ADAM12: variants seen among roughly 807,000 people sequenced by gnomAD.
The protein encoded by ADAM12 is ADAM metallopeptidase domain 12, also known as disintegrin and metalloproteinase domain-containing protein 12.
In ADAM12, 70 loss-of-function variants were observed where a neutral mutation model predicts 106.4. That is an observed-to-expected ratio of 0.66 (90% CI 0.54 to 0.80). The LOEUF (loss-of-function observed/expected upper bound fraction) is 0.80, where lower values mean the gene tolerates loss of function less well. Among genes scored for constraint, ADAM12 ranks in the 30% least tolerant of loss-of-function variants. The probability of loss-of-function intolerance (pLI) is 0.00; values close to 1 mark genes in which losing one functional copy is unlikely to be tolerated. For missense variants in ADAM12, 1,010 were observed against 1,171.9 expected (o/e 0.86, Z 2.02); for synonymous variants, 420 against 433.5 (o/e 0.97, Z 0.39).
chr10:126,386,010 C>T (rs1436195041), intron 1 of ADAM12, among the ~76,000 whole-genome samples: 2 of 152,010 alleles, frequency 1.3e-5, no homozygotes, highest in African/African-American at 2.4e-5. Context: ...GTGGCCTGGA[C>T]TGGGAAAGGC....
chr10:126,052,667 G>C (rs1954534046), intron 14 of ADAM12, among the ~76,000 whole-genome samples: 1 of 152,118 alleles, frequency 6.6e-6, no homozygotes, highest in African/African-American at 2.4e-5. Flanking sequence ...AGAGAGGAAG[G>C]GGGAGAGAGA....
chr10:126,191,088 G>A (rs540247448), intron 3 of ADAM12, among the ~76,000 whole-genome samples: 5 of 135,784 alleles, frequency 3.7e-5, no homozygotes, highest in South Asian at 5.1e-4. Flanking sequence ...TGCAACCTCC[G>A]CCTCCTGGGT....
intron 1 of ADAM12, among the ~76,000 whole-genome samples, chr10:126,353,931 G>A (rs1213747486): frequency 6.6e-6 from 1 of 152,048 alleles, no homozygotes; most frequent in African/African-American, 2.4e-5. Flanking sequence ...CTTAATCCTG[G>A]CCAGGGGAAT....
chr10:126,380,707 C>G (rs1440045139), intron 1 of ADAM12, among the ~76,000 whole-genome samples: 2 of 152,210 alleles, frequency 1.3e-5, no homozygotes, highest in Non-Finnish European at 2.9e-5. Flanking sequence ...CAACTACTCT[C>G]AAAAACATTG....
intron 3 of ADAM12, among the ~76,000 whole-genome samples, chr10:126,254,427 C>G (rs1958849175): frequency 6.6e-6 from 1 of 152,214 alleles, no homozygotes; most frequent in African/African-American, 2.4e-5. Context: ...CAGGAAGAAC[C>G]TGCGGTCTGG....
intron 3 of ADAM12, among the ~76,000 whole-genome samples, chr10:126,167,870 G>A (rs1565110322): frequency 6.6e-6 from 1 of 152,144 alleles, no homozygotes; most frequent in Non-Finnish European, 1.5e-5. Flanking sequence ...TTGGTATATG[G>A]CCATTTTATA....
At chr10:126,259,030 A>T in intron 3 of ADAM12, among the ~76,000 whole-genome samples, 1 of 152,190 alleles carries the variant, frequency 6.6e-6, no homozygotes, top group Non-Finnish European at 1.5e-5. Context: ...GGTTGAATTT[A>T]TAACAGCAGC....
At chr10:126,295,534 CACACACACACACAT>C (rs1304556759) in intron 2 of ADAM12, among the ~76,000 whole-genome samples, 1 of 147,974 alleles carries the variant, frequency 6.8e-6, no homozygotes, top group African/African-American at 2.6e-5. Flanking sequence ...CACAAAAATA[CACACACACACACAT>C]ACACACACAC....
chr10:126,257,018 C>A (rs1237084831), intron 3 of ADAM12, among the ~76,000 whole-genome samples: 1 of 152,172 alleles, frequency 6.6e-6, no homozygotes, highest in Non-Finnish European at 1.5e-5. Context: ...CAGTAGCCCA[C>A]CCACTGGCCA....
intron 1 of ADAM12, among the ~76,000 whole-genome samples, chr10:126,355,916 AGTT>A (rs1308355847): frequency 1.3e-5 from 2 of 152,190 alleles, no homozygotes; most frequent in Admixed American, 1.3e-4. Flanking sequence ...AGTGGTGAAA[AGTT>A]GTGCCTGGCT....
At chr10:126,070,039 A>C (rs1360397429) in intron 12 of ADAM12, among the ~76,000 whole-genome samples, 1 of 152,252 alleles carries the variant, frequency 6.6e-6, no homozygotes, top group East Asian at 1.9e-4. Context: ...GTTCAAAGAC[A>C]AACCATTTTC....
At chr10:126,033,655 C>G (rs1402170685) in intron 21 of ADAM12, among the ~76,000 whole-genome samples, 4 of 152,126 alleles carry the variant, frequency 2.6e-5, no homozygotes, top group Admixed American at 2.6e-4. Context: ...ATGCCTCCCT[C>G]CTGCTCCTCA....
intron 3 of ADAM12, among the ~76,000 whole-genome samples, chr10:126,245,188 G>A (rs78668932): frequency 0.072 from 10,989 of 152,282 alleles, 510 homozygotes; most frequent in East Asian, 0.13. Context: ...CTGTGCTTTG[G>A]AAAGGGCACT....
intron 6 of ADAM12, among the ~76,000 whole-genome samples, chr10:126,114,221 A>C (rs1955938741): frequency 1.3e-5 from 2 of 152,268 alleles, no homozygotes; most frequent in Admixed American, 1.3e-4. Flanking sequence ...GAAGTAAACA[A>C]ATGAGACATT....
intron 1 of ADAM12, among the ~76,000 whole-genome samples, chr10:126,385,288 T>C (rs1206011184): frequency 6.6e-6 from 1 of 152,166 alleles, no homozygotes; most frequent in African/African-American, 2.4e-5. Flanking sequence ...CCATGATTAA[T>C]TACACCATTG....
chr10:126,026,112 A>G (rs1028270747), intron 21 of ADAM12, among the ~76,000 whole-genome samples: 2 of 152,214 alleles, frequency 1.3e-5, no homozygotes, highest in East Asian at 3.8e-4. Context: ...TCATGTGCAA[A>G]GACACACACA....
Position 126,100,496 on chromosome 10 carries a change from G to A in ADAM12, c.911+576C>T, listed in dbSNP as rs1390489744. 2.0e-5 allele frequency among the ~76,000 whole-genome samples: 3 copies of A among 149,918 alleles called. 1 individual carries two copies. The South Asian group carries it at 6.3e-4, about 32-fold the overall frequency. Reference sequence around the variant, plus strand: ...AGGTGGGCGGATCATGAGGTCAGGAGATTGAGACCATCTTGGCCAACATGG... The same window carrying A: ...AGGTGGGCGGATCATGAGGTCAGGAAATTGAGACCATCTTGGCCAACATGG... On this transcript the variant is annotated intron_variant, in intron 9 of 22. Coordinates refer to ENST00000448723, the MANE Select transcript of ADAM12 (RefSeq NM_001288973.2).
At chr10:126,206,450 C>T (rs1171655460) in intron 3 of ADAM12, among the ~76,000 whole-genome samples, 4 of 152,128 alleles carry the variant, frequency 2.6e-5, no homozygotes, top group African/African-American at 4.8e-5. Flanking sequence ...GGTGACTCCT[C>T]GGCACTCAAG....
intron 1 of ADAM12, among the ~76,000 whole-genome samples, chr10:126,352,688 C>G (rs1297801684): frequency 2.0e-5 from 3 of 152,162 alleles, no homozygotes; most frequent in Admixed American, 6.5e-5. Flanking sequence ...CACCTCACGC[C>G]AGTGCACAAA....
Sources: allele counts gnomAD v4.1 joint callset (sites outside exome capture counted in the v4.1 genomes callset), GRCh38; gene constraint gnomAD v4.1.1; transcripts MANE v1.5; gene names NCBI Gene and HGNC (gene_info 2026-07-23, HGNC 2026-07-21).